PREX2: variants seen among roughly 807,000 people sequenced by gnomAD.
PREX2 encodes phosphatidylinositol 3,4,5-trisphosphate-dependent Rac exchanger 2 protein.
PREX2 carries 107 observed loss-of-function variants against 203.2 expected under a neutral mutation model. The ratio of observed to expected loss-of-function variants is 0.53; its 90% confidence interval spans 0.45 to 0.62. The LOEUF is 0.62. Ranked by LOEUF, PREX2 falls within the 20% of genes least tolerant of loss-of-function variation. PREX2 has a pLI of 0.00. For synonymous variants in PREX2, 672 were observed against 663.6 expected (o/e 1.01, Z -0.19); for missense variants, 1,777 against 1,955.9 (o/e 0.91, Z 1.72).
chr8:68,160,377 T>G (rs1006998420), intron 35 of PREX2, among the ~76,000 whole-genome samples: 1 of 152,130 alleles, frequency 6.6e-6, no homozygotes, highest in Non-Finnish European at 1.5e-5. Context: ...TTTATGTCTG[T>G]GGCCTATAAT....
At position 68,097,096 on chromosome 8, in the gene PREX2, C is replaced by G; in HGVS notation, c.2448C>G (p.His816Gln). 1.2e-6 allele frequency: 2 copies of G among 1,613,910 alleles called. No individual in the cohort carries two copies. The highest frequency in any genetic ancestry group is 1.7e-6 in the Non-Finnish European group (2 of 1,179,904). ...EHVSLTVDNV[H>Q]LEYGVVYEYD... Reference sequence around the variant, plus strand: ...TGAGTCTGACAGTGGACAATGTCCACCTGGAATATGGTGTCGTGTATGAGT... The same window carrying G: ...TGAGTCTGACAGTGGACAATGTCCAGCTGGAATATGGTGTCGTGTATGAGT... Residue 816 changes from histidine (H) to glutamine (Q), a missense_variant, in exon 22 of 40, where the codon CAC becomes CAG. Coordinates refer to ENST00000288368, the MANE Select transcript of PREX2 (RefSeq NM_024870.4).
At chr8:67,975,702 T>C (rs1364883022) in intron 1 of PREX2, among the ~76,000 whole-genome samples, 5 of 112,532 alleles carry the variant, frequency 4.4e-5, no homozygotes, top group Non-Finnish European at 9.2e-5. Flanking sequence ...TTCTTTTTTT[T>C]TTTTTTTTTT....
intron 35 of PREX2, among the ~76,000 whole-genome samples, chr8:68,172,684 G>A (rs1811904007): frequency 6.6e-6 from 1 of 152,172 alleles, no homozygotes; most frequent in African/African-American, 2.4e-5. Context: ...GTATTTGGGG[G>A]AGAAGGGATA....
chr8:68,127,824 G>A (rs934339990), intron 31 of PREX2, among the ~76,000 whole-genome samples: 1 of 152,032 alleles, frequency 6.6e-6, no homozygotes, highest in Non-Finnish European at 1.5e-5. Flanking sequence ...CATGCACTTA[G>A]TGGGAGCTCA....
chr8:68,034,015 A>G (rs1807960508), intron 6 of PREX2, among the ~76,000 whole-genome samples: 1 of 152,140 alleles, frequency 6.6e-6, no homozygotes, highest in Admixed American at 6.5e-5. Flanking sequence ...GTGCTATTAT[A>G]TCCACTCAGA....
At chr8:68,021,437 C>T (rs1390902136) in intron 3 of PREX2, among the ~76,000 whole-genome samples, 2 of 152,200 alleles carry the variant, frequency 1.3e-5, no homozygotes, top group Non-Finnish European at 2.9e-5. Context: ...CTCAGGGTCT[C>T]TCATTCTCTT....
intron 11 of PREX2, among the ~76,000 whole-genome samples, chr8:68,066,941 G>A (rs2597860): frequency 0.096 from 14,532 of 152,018 alleles, 853 homozygotes; most frequent in Non-Finnish European, 0.14. Context: ...TAATTATTTT[G>A]CATGTAGATA....
intron 1 of PREX2, among the ~76,000 whole-genome samples, chr8:68,009,949 T>C (rs1807214616): frequency 6.6e-6 from 1 of 152,202 alleles, no homozygotes; most frequent in African/African-American, 2.4e-5. Context: ...TTCTGGTCCA[T>C]GCCCTGATCT....
At chr8:68,182,025 G>T (rs71515092) in intron 35 of PREX2, among the ~76,000 whole-genome samples, 21,196 of 151,974 alleles carry the variant, frequency 0.14, 1,709 homozygotes, top group East Asian at 0.21. Context: ...TACAGGCAAA[G>T]TTTGAGTGAG....
chr8:68,087,331 G>C (rs1221061114), intron 18 of PREX2, among the ~76,000 whole-genome samples: 2 of 152,094 alleles, frequency 1.3e-5, no homozygotes, highest in African/African-American at 2.4e-5. Context: ...AGATGAGCTT[G>C]AGCAATGTAG....
intron 28 of PREX2, 46 bp from the exon 29 acceptor site, chr8:68,120,150 A>G: frequency 8.1e-7 from 1 of 1,235,098 alleles, no homozygotes; most frequent in Non-Finnish European, 1.2e-6. Context: ...AATACGTATC[A>G]TGTACTATGA....
intron 25 of PREX2, chr8:68,111,076 T>G (rs564672396): frequency 3.8e-6 from 1 of 265,928 alleles, no homozygotes; most frequent in East Asian, 1.2e-4. Context: ...ATAAATGAGA[T>G]TTTATTGCAT....
In PREX2 at chr8:68,115,857, G is replaced by A. The variant is rs1316821029; in HGVS notation, c.3251G>A (p.Arg1084Gln). The part of the protein sequence containing the change: ...DNEKGERNSK[R>Q]VCFNVAGDEQ... ...GAGAAGGGAGAAAGAAACAGCAAAC[G>A]GGTATGTTTTAATGTAGCAGGAGAT... Residue 1084 changes from arginine to glutamine, a missense_variant, in exon 26 of 40, where the codon CGG becomes CAG. Arg to Gln is a conservative substitution (Grantham distance 43). Transcript: ENST00000288368. 9.3e-6 allele frequency: 15 copies of A among 1,613,910 alleles called. No homozygotes were observed. The highest frequency in any genetic ancestry group is 1.3e-5 in the Non-Finnish European group (15 of 1,179,896).
intron 37 of PREX2, among the ~76,000 whole-genome samples, chr8:68,195,437 T>A (rs1812375379): frequency 6.6e-6 from 1 of 152,256 alleles, no homozygotes; most frequent in Non-Finnish European, 1.5e-5. Context: ...AATTGTATAG[T>A]TTTATTTTTC....
intron 1 of PREX2, among the ~76,000 whole-genome samples, chr8:67,991,157 GTTA>G (rs1428587929): frequency 6.6e-6 from 1 of 152,140 alleles, no homozygotes; most frequent in South Asian, 2.1e-4. Context: ...CCATAAACTA[GTTA>G]TTATACTTTT....
intron 23 of PREX2, among the ~76,000 whole-genome samples, chr8:68,107,076 G>T (rs1810431513): frequency 6.6e-6 from 1 of 152,074 alleles, no homozygotes; most frequent in Non-Finnish European, 1.5e-5. Context: ...CTAGAAATAA[G>T]ACAATTATTT....
intron 35 of PREX2, among the ~76,000 whole-genome samples, chr8:68,188,110 T>TTTTTAGGCA (rs975034629): frequency 1.3e-5 from 2 of 152,182 alleles, no homozygotes; most frequent in Non-Finnish European, 2.9e-5. Flanking sequence ...GAAGAGGAAG[T>TTTTTAGGCA]TGTTTTAGGC....
rs774302685 is a variant in PREX2, at chr8:68,044,536, C to T, written c.889C>T (p.Arg297Cys). ...TACAGATGGACATCGGTACCTTTTT[C>T]GTGGCCGGATCAACACGGAGGTGAT... ...ASTDGHRYLFRGRINTEVMEV... is the reference protein window; with the variant it reads ...ASTDGHRYLFCGRINTEVMEV... The change falls in exon 8 of 40, where the codon CGT becomes TGT. Residue 297 changes from arginine to cysteine, a missense_variant. Transcript: ENST00000288368. 11 of 1,612,540 alleles carry T rather than the reference C, an allele frequency of 6.8e-6. No individual in the cohort carries two copies. Among genetic ancestry groups the T allele is most frequent in the East Asian group, 4.5e-5 (2 of 44,820 alleles).
At chr8:68,004,552 G>A (rs1003038759) in intron 1 of PREX2, among the ~76,000 whole-genome samples, 2 of 152,090 alleles carry the variant, frequency 1.3e-5, no homozygotes, top group Admixed American at 6.5e-5. Context: ...TGTATTTCTT[G>A]CCACTGATAA....
Sources: gnomAD v4.1 joint callset for allele counts (sites outside exome capture counted in the v4.1 genomes callset) on GRCh38, gnomAD v4.1.1 for gene constraint, MANE v1.5 for transcripts, NCBI Gene and HGNC (gene_info 2026-07-23, HGNC 2026-07-21) for gene names.